PALD1: variants seen among roughly 807,000 people sequenced by gnomAD.
The protein encoded by PALD1 is paladin.
In PALD1, 57 loss-of-function variants were observed where a neutral mutation model predicts 96.0. The observed-to-expected ratio is 0.59, with a 90% CI of 0.48 to 0.74. The LOEUF is 0.74. Among genes scored for constraint, PALD1 ranks in the 30% least tolerant of loss-of-function variants. The probability of loss-of-function intolerance (pLI) is 0.00; values close to 1 mark genes in which losing one functional copy is unlikely to be tolerated. For synonymous variants in PALD1, 464 were observed against 473.6 expected, an observed-to-expected ratio of 0.98 and a Z score of 0.26; for missense variants, 1,063 against 1,143.7, an observed-to-expected ratio of 0.93 and a Z score of 1.02.
Position 70,539,373 on chromosome 10 carries a change from G to T in PALD1, c.1725+126G>T. ...AATCTGAGGCCCCGGGAGGAGCAGT[G>T]TCAGGGAGTGGCCAACTCAGGATTC... On this transcript the variant is annotated intron_variant, in intron 14 of 19. Coordinates refer to ENST00000263563, the MANE Select transcript of PALD1 (RefSeq NM_014431.3). This position sits in a 1 kb window ranked among gnomAD's most constrained non-coding sequence, Gnocchi z 4.5. 1.8e-6 allele frequency: 2 copies of T among 1,134,378 alleles called. No individual in the cohort carries two copies. Among genetic ancestry groups the T allele is most frequent in the East Asian group, 2.6e-5 (1 of 38,820 alleles). The allele number at this position is 1,134,378 out of a possible 1,614,324, so 70.3% of individuals were successfully genotyped here. A position where few individuals can be genotyped will look rare whatever the true frequency, so the allele number is the denominator to read the frequency against.
At chr10:70,564,297 G>C in intron 18 of PALD1, 67 bp from the exon 19 acceptor site, 1 of 1,499,716 alleles carries the variant, frequency 6.7e-7, no homozygotes. Context: ...GGGCAGCAGG[G>C]TGGCATGTTT....
intron 17 of PALD1, among the ~76,000 whole-genome samples, chr10:70,541,947 A>G (rs1847257390): frequency 6.6e-6 from 1 of 152,170 alleles, no homozygotes; most frequent in Non-Finnish European, 1.5e-5. Context: ...AGGGCACTGG[A>G]TGGCCAGCCA....
chr10:70,542,637 C>A (rs952662762), intron 17 of PALD1, among the ~76,000 whole-genome samples: 4 of 152,130 alleles, frequency 2.6e-5, no homozygotes, highest in Admixed American at 2.6e-4. Flanking sequence ...GAATAATATC[C>A]CATTGTATGG....
chr10:70,483,157 G>C (rs370348338), intron 1 of PALD1, among the ~76,000 whole-genome samples: 32 of 152,248 alleles, frequency 2.1e-4, no homozygotes, highest in African/African-American at 7.2e-4. Flanking sequence ...GGCTGGCCTG[G>C]GGTGTGTGTG....
chr10:70,526,103 T>G lies in PALD1; in HGVS notation c.152T>G (p.Ile51Ser). 4 of 1,614,186 alleles carry G rather than the reference T, an allele frequency of 2.5e-6. No individual in the cohort carries two copies. The highest frequency in any genetic ancestry group is 3.4e-6 in the Non-Finnish European group (4 of 1,180,026). The change falls in exon 2 of 20, where the codon ATC (isoleucine) becomes AGC (serine). Residue 51 changes from isoleucine to serine, a missense_variant. Physicochemically the swap from Ile to Ser is moderately radical, Grantham distance 142. Coordinates refer to ENST00000263563, the MANE Select transcript of PALD1 (RefSeq NM_014431.3). ...TSLHNSKAKS[I>S]IPNKVAPVVI... The stretch of plus-strand genomic sequence containing the variant: ...TTGCATAACAGCAAGGCCAAGTCCA[T>G]CATCCCCAACAAGGTGGCCCCTGTT...
At chr10:70,559,829 C>G (rs1444845917) in intron 18 of PALD1, among the ~76,000 whole-genome samples, 1 of 152,062 alleles carries the variant, frequency 6.6e-6, no homozygotes, top group Non-Finnish European at 1.5e-5. Context: ...ATGCGGAGCA[C>G]TTGAGCTGCT....
chr10:70,565,174 A>G (rs12776060), intron 19 of PALD1, among the ~76,000 whole-genome samples: 34,818 of 152,158 alleles, frequency 0.23, 4,619 homozygotes, highest in Admixed American at 0.39. Context: ...GAGACTGAGC[A>G]CAGAGAGGGT....
rs1006389280 is a variant in PALD1, at chr10:70,478,806, C to T, written c.-283C>T. The T allele has an allele frequency of 2.0e-5, 3 of 151,490 alleles. No homozygotes were observed. Among genetic ancestry groups the T allele is most frequent in the African/African-American group, 7.3e-5 (3 of 41,344 alleles). The allele number at this position is 151,490 out of a possible 1,614,324, so 9.4% of individuals were successfully genotyped here. On this transcript the variant is annotated 5_prime_UTR_variant, in exon 1 of 20. Transcript: ENST00000263563. Reference sequence around the variant, plus strand: ...GGGCGCTGGGGAGCAGCGCGGCGCGCACGGGCCGGGGCGCGCAGGTCCCGT... The same window carrying T: ...GGGCGCTGGGGAGCAGCGCGGCGCGTACGGGCCGGGGCGCGCAGGTCCCGT...
chr10:70,566,529 G>A, intron 19 of PALD1, 52 bp from the exon 20 acceptor site: 1 of 1,464,624 alleles, frequency 6.8e-7, no homozygotes, highest in Non-Finnish European at 9.4e-7. Context: ...AGTGGCCTTA[G>A]TGGCACCCTC....
At chr10:70,497,715 T>C (rs1280175770) in intron 1 of PALD1, among the ~76,000 whole-genome samples, 2 of 151,952 alleles carry the variant, frequency 1.3e-5, no homozygotes, top group East Asian at 3.9e-4. Context: ...TACAGGCGTG[T>C]GCCACCATGC....
intron 17 of PALD1, among the ~76,000 whole-genome samples, chr10:70,542,435 G>T (rs12412892): frequency 0.43 from 65,566 of 151,970 alleles, 14,641 homozygotes; most frequent in Admixed American, 0.5. Context: ...ATTCAGTAAT[G>T]ATTCCCCATC....
At chr10:70,464,540 T>G in the PALD1 span, among the ~76,000 whole-genome samples, 2 of 151,990 alleles carry the variant, frequency 1.3e-5, no homozygotes, top group African/African-American at 4.8e-5. Context: ...TCATTAGGTC[T>G]ATGATGTTCA....
intron 1 of PALD1, among the ~76,000 whole-genome samples, chr10:70,517,174 CCA>C (rs1300256586): frequency 2.0e-5 from 3 of 152,146 alleles, no homozygotes; most frequent in Non-Finnish European, 2.9e-5. Context: ...CAGCAGAGGT[CCA>C]GAGAGGTTAT....
intron 1 of PALD1, among the ~76,000 whole-genome samples, chr10:70,518,971 A>G (rs1564694177): frequency 6.6e-6 from 1 of 152,270 alleles, no homozygotes; most frequent in Non-Finnish European, 1.5e-5. Flanking sequence ...CAGCCCAGCC[A>G]GGGAGCCTTG....
chr10:70,537,802 C>G lies in PALD1; in HGVS notation c.1228-9C>G. 1 of 1,599,318 alleles carries G rather than the reference C, an allele frequency of 6.3e-7. No homozygotes were observed. The highest frequency in any genetic ancestry group is 8.6e-7 in the Non-Finnish European group (1 of 1,167,032). On this transcript the variant is annotated splice_polypyrimidine_tract_variant and intron_variant, in intron 10 of 19. Coordinates refer to ENST00000263563, the MANE Select transcript of PALD1 (RefSeq NM_014431.3). ...GAGTCTGTCCTTAACACCCTGTCCT[C>G]TCTCTCAGGGAAGCGGCAGCCGACA... is the stretch of plus-strand genomic sequence containing the variant.
the PALD1 span, among the ~76,000 whole-genome samples, chr10:70,459,237 C>G: frequency 6.6e-6 from 1 of 152,170 alleles, no homozygotes; most frequent in African/African-American, 2.4e-5. Context: ...ACTGACGGCT[C>G]CCTTTTCAGA....
intron 17 of PALD1, among the ~76,000 whole-genome samples, chr10:70,544,819 G>A (rs1475445926): frequency 2.0e-5 from 3 of 152,156 alleles, no homozygotes; most frequent in South Asian, 2.1e-4. Context: ...TACTCCCCTG[G>A]GCACAGCCTG....
the PALD1 span, among the ~76,000 whole-genome samples, chr10:70,467,061 G>A: frequency 1.3e-5 from 2 of 152,336 alleles, no homozygotes; most frequent in East Asian, 1.9e-4. Flanking sequence ...GGGCCTGGGG[G>A]TGCAGAAAGG....
chr10:70,467,784 CCCAGGATAGGA>C, the PALD1 span, among the ~76,000 whole-genome samples: 1 of 152,060 alleles, frequency 6.6e-6, no homozygotes, highest in Non-Finnish European at 1.5e-5. Context: ...TTAGAACGCA[CCCAGGATAGGA>C]CAGGAGTGCA....
Sources: gnomAD v4.1 joint callset for allele counts (sites outside exome capture counted in the v4.1 genomes callset) on GRCh38, gnomAD v4.1.1 for gene constraint, Gnocchi (gnomAD v3.1) non-coding constraint, MANE v1.5 for transcripts, NCBI Gene and HGNC (gene_info 2026-07-23, HGNC 2026-07-21) for gene names.